TMEM132B: variants seen among roughly 807,000 people sequenced by gnomAD.
TMEM132B encodes transmembrane protein 132B.
In TMEM132B, 18 loss-of-function variants were observed where a neutral mutation model predicts 90.8. That is an observed-to-expected ratio of 0.20 (90% CI 0.14 to 0.29). The LOEUF is 0.29. Among genes scored for constraint, TMEM132B ranks in the 10% least tolerant of loss-of-function variants. The probability of loss-of-function intolerance (pLI) is 1.00; values close to 1 mark genes in which losing one functional copy is unlikely to be tolerated. For synonymous variants in TMEM132B, 504 were observed against 523.3 expected, an observed-to-expected ratio of 0.96 and a Z score of 0.50; for missense variants, 1,096 against 1,326.8, an observed-to-expected ratio of 0.83 and a Z score of 2.70.
At chr12:125,321,350 A>C (rs1472874041) in intron 1 of TMEM132B, among the ~76,000 whole-genome samples, 1 of 152,236 alleles carries the variant, frequency 6.6e-6, no homozygotes, top group Non-Finnish European at 1.5e-5. Flanking sequence ...ATACCACTGC[A>C]CAACCAATGG....
intron 2 of TMEM132B, among the ~76,000 whole-genome samples, chr12:125,353,436 G>A (rs1047765392): frequency 6.6e-6 from 1 of 152,222 alleles, no homozygotes; most frequent in African/African-American, 2.4e-5. Flanking sequence ...TGGTCTGGTG[G>A]TCAGCAAAGC....
At chr12:125,253,817 T>A (rs1444492504) in intron 1 of TMEM132B, among the ~76,000 whole-genome samples, 1 of 152,146 alleles carries the variant, frequency 6.6e-6, no homozygotes, top group Non-Finnish European at 1.5e-5. Flanking sequence ...AAAGTTACAA[T>A]AATATGCTCA....
intron 1 of TMEM132B, among the ~76,000 whole-genome samples, chr12:125,218,572 T>C (rs1429053923): frequency 6.6e-6 from 1 of 152,096 alleles, no homozygotes; most frequent in African/African-American, 2.4e-5. Context: ...TTCTGCATTG[T>C]CGGTTGTGAC....
At chr12:125,198,477 A>G (rs1288614433) in intron 1 of TMEM132B, among the ~76,000 whole-genome samples, 2 of 152,204 alleles carry the variant, frequency 1.3e-5, no homozygotes, top group African/African-American at 4.8e-5. Flanking sequence ...CTGTCCTCCA[A>G]CCAGCGGAAA....
At chr12:125,287,175 C>T (rs1180404045) in intron 1 of TMEM132B, among the ~76,000 whole-genome samples, 1 of 152,054 alleles carries the variant, frequency 6.6e-6, no homozygotes, top group Non-Finnish European at 1.5e-5. Context: ...CCTTTTCCTC[C>T]CTCCCTCCTC....
intron 4 of TMEM132B, among the ~76,000 whole-genome samples, chr12:125,532,697 T>C (rs1307625952): frequency 6.6e-6 from 1 of 152,076 alleles, no homozygotes; most frequent in Non-Finnish European, 1.5e-5. Flanking sequence ...GTATTTTTAG[T>C]AGAGACGGGG....
chr12:125,262,375 GA>G (rs1051733511), intron 1 of TMEM132B, among the ~76,000 whole-genome samples: 14 of 151,814 alleles, frequency 9.2e-5, no homozygotes, highest in African/African-American at 3.4e-4. Flanking sequence ...AGAAGTGTCT[GA>G]AAAAATAGGG....
intron 1 of TMEM132B, among the ~76,000 whole-genome samples, chr12:125,216,340 T>C (rs1165941982): frequency 6.6e-6 from 1 of 152,162 alleles, no homozygotes; most frequent in African/African-American, 2.4e-5. Context: ...AGAACACCAG[T>C]CCTGTTGGAT....
chr12:125,629,990 C>T (rs1886322673), intron 5 of TMEM132B, among the ~76,000 whole-genome samples: 2 of 152,110 alleles, frequency 1.3e-5, no homozygotes, highest in Non-Finnish European at 2.9e-5. Flanking sequence ...GGATAAATCC[C>T]ACTTGATCAT....
intron 2 of TMEM132B, among the ~76,000 whole-genome samples, chr12:125,375,852 T>C (rs1194233665): frequency 6.6e-6 from 1 of 152,250 alleles, no homozygotes; most frequent in Non-Finnish European, 1.5e-5. Context: ...GGTTCTGGAA[T>C]GACTTTTGTC....
At chr12:125,358,008 G>A (rs1877836678) in intron 2 of TMEM132B, among the ~76,000 whole-genome samples, 1 of 152,212 alleles carries the variant, frequency 6.6e-6, no homozygotes, top group Admixed American at 6.5e-5. Context: ...CCAGCTCTAT[G>A]TAGTGGTCTT....
intron 5 of TMEM132B, among the ~76,000 whole-genome samples, chr12:125,608,165 G>T (rs377037469): frequency 6.6e-6 from 1 of 152,102 alleles, no homozygotes; most frequent in Admixed American, 6.5e-5. Context: ...AAAAACTGTT[G>T]AACTCTTTTC....
chr12:125,572,405 CA>C, intron 4 of TMEM132B, among the ~76,000 whole-genome samples: 1 of 152,358 alleles, frequency 6.6e-6, no homozygotes, highest in South Asian at 2.1e-4. Flanking sequence ...CTGCCTTCTG[CA>C]ATCCTCTCCA....
chr12:125,293,186 G>C (rs1052673974), intron 1 of TMEM132B, among the ~76,000 whole-genome samples: 1 of 152,240 alleles, frequency 6.6e-6, no homozygotes, highest in Non-Finnish European at 1.5e-5. Flanking sequence ...CAATTTGTCA[G>C]ACTCCCTGTT....
intron 1 of TMEM132B, among the ~76,000 whole-genome samples, chr12:125,231,763 TA>T (rs71999825): frequency 0.055 from 8,166 of 148,610 alleles, 252 homozygotes; most frequent in African/African-American, 0.083. Context: ...TTCTTTAAAT[TA>T]AAAAAAAAAC....
chr12:125,661,123 G>A lies in TMEM132B; in HGVS notation c.*6413G>A, dbSNP rs1036826719. On this transcript the variant is annotated 3_prime_UTR_variant, in exon 9 of 9. Coordinates refer to ENST00000682704, the MANE Select transcript of TMEM132B (RefSeq NM_001366854.1). ...GGCTGGAGCTGAAATAGTCTGCCAC[G>A]TTATTGTTATCTCCTTTGTAAGAAT... 29 of 152,306 alleles carry A rather than the reference G, an allele frequency of 1.9e-4. No individual in the cohort carries two copies. Among genetic ancestry groups the A allele is most frequent in the African/African-American group, 6.0e-4 (25 of 41,568 alleles). 9.4% of individuals were successfully genotyped at this position (152,306 alleles called of 1,614,324 possible).
intron 2 of TMEM132B, among the ~76,000 whole-genome samples, chr12:125,382,789 G>A (rs745720776): frequency 1.3e-5 from 2 of 152,122 alleles, no homozygotes; most frequent in African/African-American, 2.4e-5. Context: ...ATTCCAGATC[G>A]GGCTAACTTT....
chr12:125,255,360 G>A (rs1479467938), intron 1 of TMEM132B, among the ~76,000 whole-genome samples: 2 of 152,076 alleles, frequency 1.3e-5, no homozygotes, highest in Admixed American at 1.3e-4. Context: ...GGTGGGGGTT[G>A]TAGAGCCACA....
At chr12:125,644,731 G>T (rs1219139188) in intron 6 of TMEM132B, among the ~76,000 whole-genome samples, 2 of 152,170 alleles carry the variant, frequency 1.3e-5, no homozygotes, top group South Asian at 2.1e-4. Context: ...TGCCTGAGTT[G>T]TTCCCCACCA....
Sources: gnomAD v4.1 joint callset for allele counts (sites outside exome capture counted in the v4.1 genomes callset) on GRCh38, gnomAD v4.1.1 for gene constraint, MANE v1.5 for transcripts, NCBI Gene and HGNC (gene_info 2026-07-23, HGNC 2026-07-21) for gene names.